UST: variants seen among roughly 807,000 people sequenced by gnomAD.
UST encodes uronyl 2-sulfotransferase, also known as chondroitin sulfate 2-O-sulfotransferase.
Under a neutral mutation model 45.6 loss-of-function variants are expected in UST, and 21 were observed. The observed-to-expected ratio is 0.46, with a 90% CI of 0.33 to 0.66. The LOEUF (loss-of-function observed/expected upper bound fraction) is 0.66. UST is among the 30% of genes least tolerant of loss of function. The pLI is 0.02. For synonymous variants in UST, 215 were observed against 200.6 expected (o/e 1.07, Z -0.61); for missense variants, 463 against 512.4 (o/e 0.90, Z 0.93).
intron 3 of UST, 60 bp downstream of exon 3, chr6:148,941,494 T>TAA (rs1780125298): frequency 1.3e-6 from 2 of 1,526,484 alleles, no homozygotes; most frequent in African/African-American, 2.8e-5. Context: ...GTGTAACTAG[T>TAA]GGGTGCCTTA....
chr6:148,980,482 G>A (rs916765385), intron 5 of UST, among the ~76,000 whole-genome samples: 7 of 152,034 alleles, frequency 4.6e-5, no homozygotes, highest in Non-Finnish European at 7.4e-5. Flanking sequence ...ACATCATATC[G>A]TTTAATTTCT....
chr6:148,813,660 G>A (rs1294841826), intron 1 of UST, among the ~76,000 whole-genome samples: 2 of 152,194 alleles, frequency 1.3e-5, no homozygotes, highest in African/African-American at 2.4e-5. Context: ...GATTACAGAA[G>A]TGAGCCACCG....
intron 1 of UST, among the ~76,000 whole-genome samples, chr6:148,765,203 A>G (rs1776299913): frequency 6.6e-6 from 1 of 152,154 alleles, no homozygotes. Flanking sequence ...TTGTTTCAGC[A>G]CCACTTATTG....
At chr6:148,919,010 C>A (rs777531401) in intron 2 of UST, among the ~76,000 whole-genome samples, 10 of 152,170 alleles carry the variant, frequency 6.6e-5, no homozygotes, top group African/African-American at 2.4e-4. Flanking sequence ...CCACCACCAT[C>A]TTTGCATGGC....
At chr6:148,896,481 T>C (rs1028375153) in intron 2 of UST, among the ~76,000 whole-genome samples, 5 of 152,228 alleles carry the variant, frequency 3.3e-5, no homozygotes, top group Non-Finnish European at 5.9e-5. Context: ...CTCCTATTCA[T>C]TGTTCTGTAA....
Position 148,867,285 on chromosome 6 carries a change from TACACACACAC to T in UST, c.248-19667_248-19658del, listed in dbSNP as rs58093813. The stretch of plus-strand genomic sequence containing the variant: ...TACCTTTCTTTGAGGCATTGTTGAA[TACACACACAC>T]ACACACACACACACACACACACACA... On this transcript the variant is annotated intron_variant, in intron 1 of 7. Coordinates refer to ENST00000367463, the MANE Select transcript of UST (RefSeq NM_005715.3). 3.2e-3 allele frequency among the ~76,000 whole-genome samples: 435 copies of T among 136,844 alleles called. 3 individuals are homozygous for T. Among genetic ancestry groups the T allele is most frequent in the African/African-American group, 9.8e-3 (349 of 35,666 alleles). 89.8% of individuals were successfully genotyped at this position (136,844 alleles called of 152,430 possible). A position where few individuals can be genotyped will look rare whatever the true frequency, so the allele number is the denominator to read the frequency against.
intron 1 of UST, among the ~76,000 whole-genome samples, chr6:148,773,376 G>A (rs937189320): frequency 6.6e-6 from 1 of 151,804 alleles, no homozygotes; most frequent in Admixed American, 6.6e-5. Flanking sequence ...CAGGAGAATC[G>A]CTTGAACCCG....
At chr6:149,035,884 TTTGTTAGTGA>T (rs1267781495) in intron 7 of UST, among the ~76,000 whole-genome samples, 2 of 152,152 alleles carry the variant, frequency 1.3e-5, no homozygotes, top group African/African-American at 4.8e-5. Context: ...TGGAAAAATA[TTTGTTAGTGA>T]TTGTAGTTTT....
intron 3 of UST, among the ~76,000 whole-genome samples, chr6:148,944,505 T>TCACACA (rs1554228113): frequency 1.5e-5 from 1 of 65,958 alleles, no homozygotes; most frequent in Non-Finnish European, 2.9e-5. Context: ...GTAGTTGTGA[T>TCACACA]CATACACACA....
In UST at chr6:148,859,429, C is replaced by T. The variant is rs948825867; in HGVS notation, c.248-27557C>T. 3.9e-5 allele frequency among the ~76,000 whole-genome samples: 6 copies of T among 152,210 alleles called. No individual in the cohort carries two copies. In the South Asian group the frequency reaches 1.2e-3, roughly 32 times the overall value. On this transcript the variant is annotated intron_variant, in intron 1 of 7. Coordinates refer to ENST00000367463, the MANE Select transcript of UST (RefSeq NM_005715.3). ...GATGGGTAGATTGTAAAAATTTTCT[C>T]CCATTCTGTAGGTTGCCTGTTCACT... is the stretch of plus-strand genomic sequence containing the variant.
chr6:148,776,503 T>C (rs1668690103), intron 1 of UST, among the ~76,000 whole-genome samples: 1 of 152,180 alleles, frequency 6.6e-6, no homozygotes, highest in African/African-American at 2.4e-5. Flanking sequence ...GTGGTGAGTT[T>C]TGAAGTGAAA....
At chr6:149,069,925 C>T (rs1449626924) in intron 7 of UST, among the ~76,000 whole-genome samples, 1 of 152,220 alleles carries the variant, frequency 6.6e-6, no homozygotes, top group East Asian at 1.9e-4. Context: ...ATTACACTTG[C>T]TGTCCATTGT....
rs529624315 is a variant in UST at position 148,852,280 on chromosome 6, T to C, written c.248-34706T>C. Among the ~76,000 whole-genome samples, 14 of 152,284 alleles carry C rather than the reference T, an allele frequency of 9.2e-5. No individual in the cohort carries two copies. The South Asian group carries it at 2.7e-3, about 29-fold the overall frequency. The stretch of plus-strand genomic sequence containing the variant: ...CTGGGAAAAAGACAGTCACTGTAAA[T>C]AGACAAATTACACTGAATCTATCCG... On this transcript the variant is annotated intron_variant, in intron 1 of 7. Transcript: ENST00000367463.
At chr6:148,920,022 G>A (rs1779670475) in intron 2 of UST, among the ~76,000 whole-genome samples, 2 of 152,226 alleles carry the variant, frequency 1.3e-5, no homozygotes, top group Admixed American at 1.3e-4. Context: ...AGAGAGAGCT[G>A]CACTCTGCAT....
intron 5 of UST, among the ~76,000 whole-genome samples, chr6:148,972,916 A>G (rs1275453163): frequency 6.6e-6 from 1 of 151,950 alleles, no homozygotes; most frequent in South Asian, 2.1e-4. Flanking sequence ...AAGTGAGGCC[A>G]ATGTGTAGCT....
At chr6:148,924,458 G>A (rs1458406851) in intron 2 of UST, among the ~76,000 whole-genome samples, 1 of 152,196 alleles carries the variant, frequency 6.6e-6, no homozygotes, top group African/African-American at 2.4e-5. Flanking sequence ...GCAGCTGTGA[G>A]TTCAGGGAAT....
At chr6:148,829,774 C>T (rs1216317343) in intron 1 of UST, among the ~76,000 whole-genome samples, 1 of 152,176 alleles carries the variant, frequency 6.6e-6, no homozygotes, top group Non-Finnish European at 1.5e-5. Context: ...CTAATAGTTA[C>T]TCATAGCTTC....
At chr6:149,072,836 G>A (rs970957506) in intron 7 of UST, among the ~76,000 whole-genome samples, 3 of 152,114 alleles carry the variant, frequency 2.0e-5, no homozygotes, top group Non-Finnish European at 2.9e-5. Flanking sequence ...CTATCTAATC[G>A]ATGGGGTAAG....
chr6:149,035,273 T>C (rs1776225502), intron 7 of UST, among the ~76,000 whole-genome samples: 1 of 152,218 alleles, frequency 6.6e-6, no homozygotes, highest in Admixed American at 6.5e-5. Flanking sequence ...AGTGAATGGA[T>C]GCAATATTAC....
Sources: allele counts gnomAD v4.1 joint callset (sites outside exome capture counted in the v4.1 genomes callset), GRCh38; gene constraint gnomAD v4.1.1; transcripts MANE v1.5; gene names NCBI Gene and HGNC (gene_info 2026-07-23, HGNC 2026-07-21).